Variants in NPIPB8 observed in about 807,000 individuals in gnomAD.
NPIPB8 encodes the protein nuclear pore complex interacting protein family member B8, also known as nuclear pore complex-interacting protein family member B8.
A neutral mutation model predicts 5.3 loss-of-function variants in NPIPB8; 3 were observed. The ratio of observed to expected loss-of-function variants is 0.57; its 90% CI spans 0.26 to 1.47. The LOEUF is 1.47. NPIPB8 is among the 40% of genes most tolerant of loss of function. The pLI, the probability that NPIPB8 is intolerant of heterozygous loss-of-function variation, is 0.13. For synonymous variants in NPIPB8, 18 were observed against 23.0 expected (o/e 0.78, Z 0.62); for missense variants, 50 against 50.2 (o/e 1.00, Z 0.01).
intron 2 of NPIPB8, among the ~76,000 whole-genome samples, chr16:28,641,315 C>T (rs2370357): frequency 6.6e-5 from 10 of 151,104 alleles, no homozygotes; most frequent in South Asian, 4.2e-4. Context: ...GTCAGCCAGA[C>T]TTGGTGACTC....
At chr16:28,642,617 T>A (rs1483698485) in intron 2 of NPIPB8, among the ~76,000 whole-genome samples, 2 of 150,930 alleles carry the variant, frequency 1.3e-5, no homozygotes, top group Admixed American at 6.6e-5. Context: ...CCCAAGTAGG[T>A]GGGACTACAG....
chr16:28,641,024 G>C (rs1160299836), intron 2 of NPIPB8, among the ~76,000 whole-genome samples: 1 of 151,992 alleles, frequency 6.6e-6, no homozygotes, highest in Non-Finnish European at 1.5e-5. Context: ...ATTAGGGCTG[G>C]AGGTTGTAAA....
At chr16:28,640,068 C>A (rs1165729712) in intron 2 of NPIPB8, among the ~76,000 whole-genome samples, 1 of 151,522 alleles carries the variant, frequency 6.6e-6, no homozygotes, top group African/African-American at 2.4e-5. Flanking sequence ...AGAGTTGAAA[C>A]TGAGGCTCAG....
chr16:28,642,001 T>C (rs1369724856), intron 2 of NPIPB8, among the ~76,000 whole-genome samples: 30 of 150,192 alleles, frequency 2.0e-4, no homozygotes, highest in Non-Finnish European at 3.0e-5. Flanking sequence ...CAACCCTTCA[T>C]GGACATTATA....
intron 2 of NPIPB8, among the ~76,000 whole-genome samples, chr16:28,642,638 C>A (rs1596677527): frequency 1.3e-5 from 2 of 151,128 alleles, no homozygotes; most frequent in South Asian, 4.2e-4. Context: ...GTGCCCACCA[C>A]CACACCCGGC....
intron 2 of NPIPB8, among the ~76,000 whole-genome samples, chr16:28,644,276 A>T (rs1244210615): frequency 2.0e-5 from 2 of 102,058 alleles, no homozygotes; most frequent in Non-Finnish European, 3.8e-5. Context: ...CTTCTCCGTG[A>T]CCTGTAGCTA....
At chr16:28,638,936 G>A (rs971852618) in intron 2 of NPIPB8, among the ~76,000 whole-genome samples, 21 of 149,874 alleles carry the variant, frequency 1.4e-4, no homozygotes, top group African/African-American at 4.7e-4. Flanking sequence ...GGGCATGGTG[G>A]TGTGAGCCTG....
At position 28,638,335 on chromosome 16, in the gene NPIPB8, C is replaced by T. The variant is rs571094285; in HGVS notation, c.-26C>T. The T allele has an allele frequency of 3.8e-6, 6 of 1,562,346 alleles. No individual in the cohort carries two copies. The highest frequency in any genetic ancestry group is 5.2e-6 in the Non-Finnish European group (6 of 1,161,452). ...AATTGTCTAATAGGTTGGCACTCAT[C>T]ATGAGCCCCTGTTCTCATTCTGCAA... On this transcript the variant is annotated 5_prime_UTR_variant, in exon 2 of 8. Transcript: ENST00000683297.
At position 28,639,352 on chromosome 16, in the gene NPIPB8, A is replaced by C. The variant is rs2047849725; in HGVS notation, c.120+872A>C. Among the ~76,000 whole-genome samples, 3 of 150,552 alleles carry C rather than the reference A, an allele frequency of 2.0e-5. No individual in the cohort carries two copies. The South Asian group carries it at 6.2e-4, about 31-fold the overall frequency. On this transcript the variant is annotated intron_variant, in intron 2 of 7. Transcript: ENST00000683297. ...AGTTGAACATTATCTTGTCTTTTAA[A>C]ATAATAATCTCAAAAATGATCTTTT...
At chr16:28,649,506 T>C (rs78295708) in intron 3 of NPIPB8, among the ~76,000 whole-genome samples, 1,426 of 67,112 alleles carry the variant, frequency 0.021, 6 homozygotes, top group African/African-American at 0.043. Flanking sequence ...AGAGAATTTT[T>C]GGTATAAATT....
chr16:28,647,470 C>CA (rs1317993470), intron 2 of NPIPB8, among the ~76,000 whole-genome samples: 8 of 35,980 alleles, frequency 2.2e-4, no homozygotes, highest in South Asian at 6.7e-4. Context: ...AAAACAAAAA[C>CA]AAAAAAAAAT....
rs1293380316 is a variant in NPIPB8, at chr16:28,644,390, C to A, written c.121-3745C>A. 2.3e-4 allele frequency among the ~76,000 whole-genome samples: 22 copies of A among 93,658 alleles called. 1 individual carries two copies. The highest frequency in any genetic ancestry group is 1.0e-3 in the African/African-American group (22 of 21,422). 61.4% of individuals were successfully genotyped at this position (93,658 alleles called of 152,430 possible). A position where few individuals can be genotyped will look rare whatever the true frequency, so the allele number is the denominator to read the frequency against. ...CCACCTCCTCCAGGTGCCCAACAGC[C>A]CCCTTCTCTTCCTTTCCCTTCCCTT... On this transcript the variant is annotated intron_variant, in intron 2 of 7. Coordinates refer to ENST00000683297, the MANE Select transcript of NPIPB8 (RefSeq NM_001310136.2).
At chr16:28,639,931 A>G (rs2047864796) in intron 2 of NPIPB8, among the ~76,000 whole-genome samples, 1 of 150,748 alleles carries the variant, frequency 6.6e-6, no homozygotes, top group Non-Finnish European at 1.5e-5. Flanking sequence ...AGTATGCATC[A>G]TGAAGCTACA....
intron 2 of NPIPB8, among the ~76,000 whole-genome samples, chr16:28,639,078 A>T (rs1320508400): frequency 6.7e-6 from 1 of 149,738 alleles, no homozygotes; most frequent in Non-Finnish European, 1.5e-5. Context: ...AAAAAAAAAA[A>T]AAAAATTATC....
chr16:28,640,421 TGAA>T (rs1480147890), intron 2 of NPIPB8, among the ~76,000 whole-genome samples: 27 of 152,050 alleles, frequency 1.8e-4, no homozygotes, highest in Non-Finnish European at 3.5e-4. Context: ...CTCCAAGAGA[TGAA>T]GGAGAGAGTG....
At position 28,644,576 on chromosome 16, in the gene NPIPB8, G is replaced by A. The variant is rs757612501; in HGVS notation, c.121-3559G>A. On this transcript the variant is annotated intron_variant, in intron 2 of 7. Transcript: ENST00000683297. Reference sequence around the variant, plus strand: ...TGTCCTGGACACCTCAGGGCGCCCTGAAAGGACCAGGACATGCGGCTGCGC... The same window carrying A: ...TGTCCTGGACACCTCAGGGCGCCCTAAAAGGACCAGGACATGCGGCTGCGC... The A allele has an allele frequency of 2.6e-6, 4 of 1,526,288 alleles. No individual in the cohort carries two copies. In the Admixed American group the frequency reaches 7.6e-5, roughly 29 times the overall value. The allele number at this position is 1,526,288 out of a possible 1,614,324, so 94.5% of individuals were successfully genotyped here.
At position 28,638,152 on chromosome 16, in the gene NPIPB8, T is replaced by A. The variant is rs2047825166; in HGVS notation, c.-39+2T>A. The A allele has an allele frequency of 4.7e-6, 3 of 641,430 alleles. No homozygotes were observed. In the East Asian group the frequency reaches 8.4e-5, roughly 18 times the overall value. 39.7% of individuals were successfully genotyped at this position (641,430 alleles called of 1,614,324 possible). On this transcript the variant is annotated splice_donor_variant, in intron 1 of 7. Transcript: ENST00000683297. LOFTEE classifies it low-confidence loss of function (5UTR_SPLICE). The stretch of plus-strand genomic sequence containing the variant: ...TGTTTCACACAGAAGAAAACTGAGG[T>A]TAAAAGGGGTAAAGTAATTTTGCAT...
intron 2 of NPIPB8, among the ~76,000 whole-genome samples, chr16:28,642,636 C>G (rs1456332450): frequency 1.3e-5 from 2 of 150,882 alleles, no homozygotes; most frequent in African/African-American, 4.9e-5. Flanking sequence ...AGGTGCCCAC[C>G]ACCACACCCG....
At chr16:28,643,064 C>T (rs529661358) in intron 2 of NPIPB8, among the ~76,000 whole-genome samples, 3 of 151,802 alleles carry the variant, frequency 2.0e-5, no homozygotes, top group Non-Finnish European at 4.4e-5. Flanking sequence ...TCACCAGACC[C>T]CTGGGTCCTG....
Sources: gnomAD v4.1 joint callset for allele counts (sites outside exome capture counted in the v4.1 genomes callset) on GRCh38, gnomAD v4.1.1 for gene constraint, MANE v1.5 for transcripts, NCBI Gene and HGNC (gene_info 2026-07-23, HGNC 2026-07-21) for gene names.